Variants in GRM5 observed in about 807,000 individuals in gnomAD.
The protein encoded by GRM5 is metabotropic glutamate receptor 5.
Under a neutral mutation model 83.1 loss-of-function variants are expected in GRM5, and 19 were observed. The observed-to-expected ratio is 0.23, with a 90% CI of 0.16 to 0.34. The LOEUF is 0.34. Ranked by LOEUF, GRM5 falls within the 10% of genes least tolerant of loss-of-function variation. The pLI, the probability that GRM5 is intolerant of heterozygous loss-of-function variation, is 1.00. For missense variants in GRM5, 1,160 were observed against 1,588.3 expected (o/e 0.73, Z 4.58); for synonymous variants, 675 against 633.6 (o/e 1.07, Z -0.98).
chr11:88,805,255 A>C (rs1311324326), intron 3 of GRM5, among the ~76,000 whole-genome samples: 1 of 152,068 alleles, frequency 6.6e-6, no homozygotes, highest in Non-Finnish European at 1.5e-5. Context: ...GCAGTGGCGT[A>C]ATCTCGGCTC....
chr11:88,532,528 A>T (rs1942036550), intron 8 of GRM5, among the ~76,000 whole-genome samples: 1 of 152,178 alleles, frequency 6.6e-6, no homozygotes, highest in South Asian at 2.1e-4. Flanking sequence ...ATAAACATGG[A>T]AGTGCAGAGA....
intron 9 of GRM5, among the ~76,000 whole-genome samples, chr11:88,517,607 A>G (rs1221922213): frequency 6.6e-6 from 1 of 152,168 alleles, no homozygotes; most frequent in African/African-American, 2.4e-5. Context: ...ATATGCCAAT[A>G]AGATTAGTTG....
At chr11:88,998,048 A>C (rs932664386) in intron 2 of GRM5, among the ~76,000 whole-genome samples, 16 of 151,854 alleles carry the variant, frequency 1.1e-4, no homozygotes, top group Admixed American at 2.0e-4. Flanking sequence ...GGAGAAGAAA[A>C]ATATGAGAGG....
rs187428196 is a variant in GRM5 at position 88,905,645 on chromosome 11, G to T, written c.662-55490C>A. Among the ~76,000 whole-genome samples, 9 of 152,154 alleles carry T rather than the reference G, an allele frequency of 5.9e-5. No individual in the cohort carries two copies. In the East Asian group the frequency reaches 1.2e-3, roughly 20 times the overall value. The stretch of plus-strand genomic sequence containing the variant: ...GCATGAGCCACCATGCCTGGACAAG[G>T]TTACTTTATTAAACGGGGTAGGACC... On this transcript the variant is annotated intron_variant, in intron 2 of 9. Transcript: ENST00000305447.
intron 4 of GRM5, among the ~76,000 whole-genome samples, chr11:88,650,390 A>G (rs1024476364): frequency 6.6e-6 from 1 of 151,972 alleles, no homozygotes; most frequent in Non-Finnish European, 1.5e-5. Context: ...GAAATGTTCA[A>G]AAGTCTTGAA....
Position 89,060,283 on chromosome 11 carries a change from T to C in GRM5, c.-201+5493A>G, listed in dbSNP as rs879351566. On this transcript the variant is annotated intron_variant, in intron 1 of 9. Coordinates refer to ENST00000305447, the MANE Select transcript of GRM5 (RefSeq NM_001143831.3). ...GGTAAATGGTATATATATATATATA[T>C]ATACACACACACACACACACACATA... is the stretch of plus-strand genomic sequence containing the variant. Among the ~76,000 whole-genome samples, 1,421 of 142,970 alleles carry C rather than the reference T, an allele frequency of 9.9e-3. 17 individuals carry two copies. The highest frequency in any genetic ancestry group is 0.032 in the African/African-American group (1,173 of 37,020). 93.8% of individuals were successfully genotyped at this position (142,970 alleles called of 152,430 possible). A position where few individuals can be genotyped will look rare whatever the true frequency, so the allele number is the denominator to read the frequency against.
chr11:88,647,992 AG>A (rs1336239368), intron 4 of GRM5, among the ~76,000 whole-genome samples: 1 of 150,798 alleles, frequency 6.6e-6, no homozygotes. Context: ...ATCATTAAAA[AG>A]TCAGGAAACA....
In GRM5 at chr11:88,639,080, T is replaced by C. The variant is rs192982528; in HGVS notation, c.1147+14088A>G. Among the ~76,000 whole-genome samples, 303 of 152,302 alleles carry C rather than the reference T, an allele frequency of 2.0e-3. 3 individuals are homozygous for C. Among genetic ancestry groups the C allele is most frequent in the East Asian group, 5.8e-4 (3 of 5,186 alleles). On this transcript the variant is annotated intron_variant, in intron 4 of 9. Transcript: ENST00000305447. The stretch of plus-strand genomic sequence containing the variant: ...TGTGGCCATTGGTTTGTGGTTTTTT[T>C]CCCTAATATTTAATGCTAGAATATG...
At chr11:88,919,523 C>A (rs1183583760) in intron 2 of GRM5, among the ~76,000 whole-genome samples, 1 of 151,050 alleles carries the variant, frequency 6.6e-6, no homozygotes, top group African/African-American at 2.4e-5. Flanking sequence ...AAATATCAGA[C>A]TTAATAGGCA....
At chr11:88,555,623 C>T (rs1020366930) in intron 8 of GRM5, among the ~76,000 whole-genome samples, 6 of 152,036 alleles carry the variant, frequency 3.9e-5, no homozygotes, top group East Asian at 1.9e-4. Flanking sequence ...CTGGCTGTGC[C>T]GTTTTAACTC....
intron 3 of GRM5, among the ~76,000 whole-genome samples, chr11:88,786,469 T>C (rs1012614859): frequency 1.3e-5 from 2 of 152,084 alleles, no homozygotes; most frequent in Non-Finnish European, 2.9e-5. Context: ...CATTAACCAA[T>C]CTACTCTCTT....
At position 88,509,099 on chromosome 11, in the gene GRM5, C is replaced by G; in HGVS notation, c.3132G>C (p.Ser1044=). 3 of 1,547,836 alleles carry G rather than the reference C, an allele frequency of 1.9e-6. No homozygotes were observed. Among genetic ancestry groups the G allele is most frequent in the Middle Eastern group, 4.0e-4 (2 of 4,976 alleles). The change falls in exon 10 of 10, where the codon TCG becomes TCC. Residue 1044 remains serine (S), a synonymous_variant. Transcript: ENST00000305447. ...AGGAGCTGCTGCGCGCCACAGGCTCCGAGTGCAGCGACGGCACATCGTCGT... is the reference window on the plus strand; with the variant it reads ...AGGAGCTGCTGCGCGCCACAGGCTCGGAGTGCAGCGACGGCACATCGTCGT... The part of the protein sequence containing the change: ...RTDDDVPSLH[S]EPVARSSSSQ...
intron 3 of GRM5, among the ~76,000 whole-genome samples, chr11:88,746,756 C>A (rs1942154184): frequency 6.6e-6 from 1 of 152,034 alleles, no homozygotes; most frequent in South Asian, 2.1e-4. Context: ...TATATATTCA[C>A]ACATCAAAGA....
intron 8 of GRM5, among the ~76,000 whole-genome samples, chr11:88,546,400 A>G (rs1453613163): frequency 6.6e-6 from 1 of 152,160 alleles, no homozygotes; most frequent in East Asian, 1.9e-4. Context: ...CTCAATGAAT[A>G]GTTACTGAAT....
chr11:88,693,023 A>C (rs963644022), intron 3 of GRM5, among the ~76,000 whole-genome samples: 1 of 152,210 alleles, frequency 6.6e-6, no homozygotes, highest in African/African-American at 2.4e-5. Flanking sequence ...GAGAGGAGAA[A>C]ATGGAGTTTG....
chr11:88,688,643 T>C (rs1298209315), intron 3 of GRM5, among the ~76,000 whole-genome samples: 1 of 152,180 alleles, frequency 6.6e-6, no homozygotes, highest in Non-Finnish European at 1.5e-5. Flanking sequence ...TTTAGTTATA[T>C]AGACAAGTTC....
intron 3 of GRM5, among the ~76,000 whole-genome samples, chr11:88,749,163 C>T (rs1261303064): frequency 6.6e-6 from 1 of 152,098 alleles, no homozygotes; most frequent in East Asian, 1.9e-4. Flanking sequence ...ACTAAAGGAG[C>T]ATGTTGTAAC....
intron 2 of GRM5, among the ~76,000 whole-genome samples, chr11:88,922,329 T>C (rs1384237377): frequency 6.6e-6 from 1 of 152,074 alleles, no homozygotes; most frequent in African/African-American, 2.4e-5. Flanking sequence ...CCTCCAGTTA[T>C]ACTACAGAGC....
chr11:88,898,955 C>T (rs549604692), intron 2 of GRM5, among the ~76,000 whole-genome samples: 10 of 151,826 alleles, frequency 6.6e-5, no homozygotes, highest in Non-Finnish European at 1.3e-4. Flanking sequence ...GCCCTTTATA[C>T]CTGAATTTCT....
Sources: allele counts gnomAD v4.1 joint callset (sites outside exome capture counted in the v4.1 genomes callset), GRCh38; gene constraint gnomAD v4.1.1; transcripts MANE v1.5; gene names NCBI Gene and HGNC (gene_info 2026-07-23, HGNC 2026-07-21).